Variants in AFF3 observed in about 807,000 individuals in gnomAD.
AFF3 encodes the protein ALF transcription elongation factor 3, also known as AF4/FMR2 family member 3.
In AFF3, 32 loss-of-function variants were observed where a neutral mutation model predicts 129.7. The observed-to-expected ratio is 0.25, with a 90% confidence interval of 0.19 to 0.33. AFF3 has a LOEUF of 0.33. Ranked by LOEUF, AFF3 falls within the 10% of genes least tolerant of loss-of-function variation. AFF3 has a pLI of 1.00. For synonymous variants in AFF3, 644 were observed against 635.4 expected (o/e 1.01, Z -0.20); for missense variants, 1,373 against 1,592.0 (o/e 0.86, Z 2.34).
intron 7 of AFF3, among the ~76,000 whole-genome samples, chr2:99,982,269 G>A (rs539012336): frequency 8.5e-5 from 13 of 152,246 alleles, no homozygotes; most frequent in Non-Finnish European, 1.8e-4. Context: ...TTCCCGTGCC[G>A]TTCTCGTGAT....
At chr2:99,989,667 A>G (rs1302103389) in intron 7 of AFF3, among the ~76,000 whole-genome samples, 2 of 152,200 alleles carry the variant, frequency 1.3e-5, no homozygotes, top group Non-Finnish European at 2.9e-5. Flanking sequence ...AAAAAAAGAA[A>G]GCGTGAATCA....
rs184409384 is a variant in AFF3, at chr2:99,820,140, C to T, written c.921+17337G>A. ...CAACAGGGATTCATTCTGAGAAATG[C>T]GTTGTTGGGTGAATTCGTCGTTGTG... On this transcript the variant is annotated intron_variant, in intron 8 of 24. Coordinates refer to ENST00000672756, the MANE Select transcript of AFF3 (RefSeq NM_001386135.1). Among the ~76,000 whole-genome samples the T allele has an allele frequency of 4.6e-5, 7 of 152,192 alleles. No individual in the cohort carries two copies. The East Asian group carries it at 9.6e-4, about 21-fold the overall frequency.
rs753136785 is a variant in AFF3 at position 99,601,536 on chromosome 2, AGCTGCTGCTGCC to A, written c.1258_1269del (p.Gly420_Ser423del). The A allele has an allele frequency of 6.9e-6, 11 of 1,603,396 alleles. No individual in the cohort carries two copies. In the East Asian group the frequency reaches 9.0e-5, roughly 13 times the overall value. ...GAGCTGCTCTCTGAGTCGCTGGAGG[AGCTGCTGCTGCC>A]GCTGCTGCTGCTGCTGCTGCTGCCC... On this transcript the variant is annotated inframe_deletion, in exon 14 of 25. Coordinates refer to ENST00000672756, the MANE Select transcript of AFF3 (RefSeq NM_001386135.1).
chr2:100,007,176 G>A lies in AFF3; in HGVS notation c.459C>T (p.His153=). Residue 153 remains histidine, a synonymous_variant, in exon 6 of 25, where the codon CAC becomes CAT. Transcript: ENST00000672756. ...RGTMGWQKAG[H]PPSDGQQRAT... ...CTCTCTGTTGGCCGTCAGAGGGTGG[G>A]TGCCCAGCCTTCTGCCAGCCCATAG... 1 of 1,614,168 alleles carries A rather than the reference G, an allele frequency of 6.2e-7. No individual in the cohort carries two copies. Among genetic ancestry groups the A allele is most frequent in the Non-Finnish European group, 8.5e-7 (1 of 1,180,026 alleles).
At chr2:99,948,399 C>A (rs72819149) in intron 7 of AFF3, among the ~76,000 whole-genome samples, 14,168 of 152,194 alleles carry the variant, frequency 0.093, 906 homozygotes, top group Non-Finnish European at 0.13. Flanking sequence ...CATCTCCCTG[C>A]CCCATTACAC....
At chr2:99,829,822 C>T (rs1688379779) in intron 8 of AFF3, among the ~76,000 whole-genome samples, 1 of 152,178 alleles carries the variant, frequency 6.6e-6, no homozygotes, top group Non-Finnish European at 1.5e-5. Flanking sequence ...TATAAGGACA[C>T]ATGCACAAGT....
Position 100,008,856 on chromosome 2 carries a change from C to A in AFF3, c.130G>T (p.Gly44Cys). The change falls in exon 5 of 25, where the codon GGC (glycine) becomes TGC (cysteine). Residue 44 changes from glycine to cysteine, a missense_variant. This residue lies in a region of AFF3 where 255 missense variants were observed against 256.0 expected (regional missense o/e 1.00). Transcript: ENST00000672756. ...RRNQETQQDDGTFNSSYSLFS... is the reference protein window; with the variant it reads ...RRNQETQQDDCTFNSSYSLFS... Reference sequence around the variant, plus strand: ...AGAGAGTAACTAGAATTAAACGTGCCATCATCCTGTTGAGTTTCTTGATTT... The same window carrying A: ...AGAGAGTAACTAGAATTAAACGTGCAATCATCCTGTTGAGTTTCTTGATTT... 3 of 1,614,070 alleles carry A rather than the reference C, an allele frequency of 1.9e-6. No homozygotes were observed. The highest frequency in any genetic ancestry group is 2.5e-6 in the Non-Finnish European group (3 of 1,179,966).
chr2:99,888,264 TAA>T (rs1361986897), intron 7 of AFF3, among the ~76,000 whole-genome samples: 2 of 152,152 alleles, frequency 1.3e-5, no homozygotes, highest in Non-Finnish European at 2.9e-5. Context: ...TGGAATAAAT[TAA>T]AGAGAGCTCA....
At chr2:99,611,916 T>C (rs1180992933) in intron 13 of AFF3, among the ~76,000 whole-genome samples, 1 of 151,744 alleles carries the variant, frequency 6.6e-6, no homozygotes, top group Non-Finnish European at 1.5e-5. Flanking sequence ...CTTGCTAGGA[T>C]ATGAATTTCC....
chr2:99,974,451 ACT>A (rs1191527065), intron 7 of AFF3, among the ~76,000 whole-genome samples: 1 of 152,168 alleles, frequency 6.6e-6, no homozygotes, highest in Non-Finnish European at 1.5e-5. Context: ...ACAACCACAG[ACT>A]CTGTATCCAA....
In AFF3 at chr2:99,896,519, C is replaced by G. The variant is rs1693953851; in HGVS notation, c.874-58995G>C. 3.3e-5 allele frequency among the ~76,000 whole-genome samples: 5 copies of G among 151,044 alleles called. No homozygotes were observed. In the South Asian group the frequency reaches 1.0e-3, roughly 32 times the overall value. ...TTTGCATGAACTGTCACCCAAGAACCTGTCAGAAGTTTCCAGCTGAAGTGA... is the reference window on the plus strand; with the variant it reads ...TTTGCATGAACTGTCACCCAAGAACGTGTCAGAAGTTTCCAGCTGAAGTGA... On this transcript the variant is annotated intron_variant, in intron 7 of 24. Transcript: ENST00000672756.
At chr2:99,724,271 CTTTTTT>C (rs58303232) in intron 11 of AFF3, among the ~76,000 whole-genome samples, 2 of 66,860 alleles carry the variant, frequency 3.0e-5, no homozygotes, top group African/African-American at 6.6e-5. Flanking sequence ...AATGACCTTT[CTTTTTT>C]TTTTTTTTTT....
intron 11 of AFF3, chr2:99,707,292 G>C (rs1015737168): frequency 4.9e-5 from 48 of 984,958 alleles, no homozygotes; most frequent in Non-Finnish European, 5.7e-5. Context: ...TTAGTAATTT[G>C]TCTGGTTAGA....
At chr2:99,603,827 A>C (rs891723082) in intron 13 of AFF3, among the ~76,000 whole-genome samples, 2 of 152,202 alleles carry the variant, frequency 1.3e-5, no homozygotes, top group African/African-American at 4.8e-5. Flanking sequence ...GACATAAACA[A>C]ACACTTCAAA....
intron 8 of AFF3, among the ~76,000 whole-genome samples, chr2:99,771,612 G>C (rs1683497850): frequency 6.6e-6 from 1 of 152,134 alleles, no homozygotes; most frequent in Non-Finnish European, 1.5e-5. Flanking sequence ...TATGTTTTAA[G>C]ACCTTATGAT....
chr2:99,916,901 A>G (rs138162280), intron 7 of AFF3, among the ~76,000 whole-genome samples: 1 of 152,224 alleles, frequency 6.6e-6, no homozygotes, highest in Non-Finnish European at 1.5e-5. Context: ...CTGATGCTTA[A>G]GGGCGGGGAT....
chr2:99,816,755 G>C (rs916045936), intron 8 of AFF3, among the ~76,000 whole-genome samples: 11 of 152,086 alleles, frequency 7.2e-5, no homozygotes, highest in African/African-American at 2.4e-4. Context: ...AGTCTTGGTG[G>C]TGTGTCCTTC....
At chr2:99,869,218 C>A (rs1466353569) in intron 7 of AFF3, among the ~76,000 whole-genome samples, 2 of 152,066 alleles carry the variant, frequency 1.3e-5, no homozygotes, top group African/African-American at 2.4e-5. Context: ...AAAAGCGGGT[C>A]CCCAGGAAGC....
chr2:99,872,746 T>C (rs1299099767), intron 7 of AFF3, among the ~76,000 whole-genome samples: 1 of 152,190 alleles, frequency 6.6e-6, no homozygotes, highest in Non-Finnish European at 1.5e-5. Flanking sequence ...TTCACTGAGT[T>C]GTACTGATTT....
Sources: allele counts gnomAD v4.1 joint callset (sites outside exome capture counted in the v4.1 genomes callset), GRCh38; gene constraint gnomAD v4.1.1; regional missense constraint gnomAD v4.1.1; transcripts MANE v1.5; gene names NCBI Gene and HGNC (gene_info 2026-07-23, HGNC 2026-07-21).